Variants in DERA observed in about 807,000 individuals in gnomAD.
The protein encoded by DERA is deoxyribose-phosphate aldolase.
DERA carries 15 observed loss-of-function variants against 41.1 expected under a neutral mutation model. The observed-to-expected ratio is 0.37, with a 90% CI of 0.24 to 0.56. The LOEUF (loss-of-function observed/expected upper bound fraction) is 0.56, where lower values mean the gene tolerates loss of function less well. DERA is among the 20% of genes least tolerant of loss of function. The pLI, the probability that DERA is intolerant of heterozygous loss-of-function variation, is 0.81. For missense variants in DERA, 396 were observed against 403.4 expected (o/e 0.98, Z 0.16); for synonymous variants, 139 against 137.4 (o/e 1.01, Z -0.08).
chr12:15,925,930 C>T (rs556103614), intron 1 of DERA, among the ~76,000 whole-genome samples: 1 of 144,954 alleles, frequency 6.9e-6, no homozygotes, highest in African/African-American at 2.8e-5. Flanking sequence ...CAGGTTCAAG[C>T]AATTCTCCTG....
chr12:15,972,504 C>A lies in DERA; in HGVS notation c.508+9557C>A. The A allele has an allele frequency of 6.5e-6, 1 of 153,392 alleles. No homozygotes were observed. The highest frequency in any genetic ancestry group is 1.9e-4 in the South Asian group (1 of 5,336). The allele number at this position is 153,392 out of a possible 1,614,324, so 9.5% of individuals were successfully genotyped here. On this transcript the variant is annotated intron_variant, in intron 5 of 8. Coordinates refer to ENST00000428559, the MANE Select transcript of DERA (RefSeq NM_015954.4). The surrounding 1 kb of genome is among the most constrained non-coding windows in gnomAD (Gnocchi z 4.4). ...ATGCAGTTGTCCACCACCTCCTTGC[C>A]CAGGAAGTTTTGCGGGTAGCAGAAG...
At position 15,911,360 on chromosome 12, in the gene DERA, G is replaced by C. The variant is rs754699715; in HGVS notation, c.-24G>C. On this transcript the variant is annotated 5_prime_UTR_variant, in exon 1 of 9. Transcript: ENST00000428559. This position sits in a 1 kb window ranked among gnomAD's most constrained non-coding sequence, Gnocchi z 4.5. ...GCGCAGAGGCGGGCGCCTACCAGCC[G>C]GCAGCTCCGGAGCTGCCCGCGCCAT... is the stretch of plus-strand genomic sequence containing the variant. The C allele has an allele frequency of 1.4e-6, 2 of 1,422,452 alleles. No homozygotes were observed. Among genetic ancestry groups the C allele is most frequent in the African/African-American group, 1.5e-5 (1 of 66,442 alleles). The allele number at this position is 1,422,452 out of a possible 1,614,324, so 88.1% of individuals were successfully genotyped here. A position where few individuals can be genotyped will look rare whatever the true frequency, so the allele number is the denominator to read the frequency against.
At chr12:15,932,516 G>A (rs980358432) in intron 1 of DERA, among the ~76,000 whole-genome samples, 1 of 151,974 alleles carries the variant, frequency 6.6e-6, no homozygotes, top group African/African-American at 2.4e-5. Context: ...TGGGTGTGGT[G>A]GTGCATGCCT....
At position 15,988,789 on chromosome 12, in the gene DERA, CA is replaced by C. The variant is rs1457972395; in HGVS notation, c.637+6354del. Among the ~76,000 whole-genome samples, 2 of 152,182 alleles carry C rather than the reference CA, an allele frequency of 1.3e-5. No individual in the cohort carries two copies. The highest frequency in any genetic ancestry group is 2.9e-5 in the Non-Finnish European group (2 of 68,024). ...CTCCCACCACCATCATCATGTTGTC[CA>C]CGGCACCCAGGCTATTCACACTGAG... On this transcript the variant is annotated intron_variant, in intron 6 of 8. Transcript: ENST00000428559. The surrounding 1 kb of genome is among the most constrained non-coding windows in gnomAD (Gnocchi z 6.0).
At chr12:16,006,471 G>A (rs75559045) in intron 6 of DERA, among the ~76,000 whole-genome samples, 8,496 of 152,320 alleles carry the variant, frequency 0.056, 337 homozygotes, top group Non-Finnish European at 0.086. Context: ...ATTAGTTAGT[G>A]AGCGGCCCTC....
Position 15,962,852 on chromosome 12 carries a change from C to G in DERA, c.413C>G (p.Thr138Arg). Residue 138 changes from threonine (T) to arginine (R), a missense_variant, in exon 5 of 9, where the codon ACA (threonine) becomes AGA (arginine). By Grantham distance (71) the Thr-to-Arg change is moderately conservative. Transcript: ENST00000428559. ...GFPAGQTHLK[T>R]RLEEIRLAVE... Reference sequence around the variant, plus strand: ...CCAGCTGGACAGACTCATTTGAAGACACGATTAGAAGAGATCAGATTGGCT... The same window carrying G: ...CCAGCTGGACAGACTCATTTGAAGAGACGATTAGAAGAGATCAGATTGGCT... 1 of 1,562,018 alleles carries G rather than the reference C, an allele frequency of 6.4e-7. No individual in the cohort carries two copies. The highest frequency in any genetic ancestry group is 8.7e-7 in the Non-Finnish European group (1 of 1,151,982).
At chr12:16,034,896 C>A (rs1814387377) in intron 7 of DERA, among the ~76,000 whole-genome samples, 1 of 152,118 alleles carries the variant, frequency 6.6e-6, no homozygotes, top group South Asian at 2.1e-4. Context: ...ATGCTAATAT[C>A]AACTAATTGA....
In DERA at chr12:15,936,030, T is replaced by C. The variant is rs937306092; in HGVS notation, c.32-20906T>C. On this transcript the variant is annotated intron_variant, in intron 1 of 8. Transcript: ENST00000428559. This position sits in a 1 kb window ranked among gnomAD's most constrained non-coding sequence, Gnocchi z 4.6. ...ATGTGAACACCCTCTTAGGGTTGCT[T>C]GAGTATCCTTATGACATGGCAGCTG... Among the ~76,000 whole-genome samples, 5 of 152,178 alleles carry C rather than the reference T, an allele frequency of 3.3e-5. No homozygotes were observed. The highest frequency in any genetic ancestry group is 1.2e-4 in the African/African-American group (5 of 41,436).
At chr12:15,945,273 AT>A (rs1948438535) in intron 1 of DERA, among the ~76,000 whole-genome samples, 1 of 152,192 alleles carries the variant, frequency 6.6e-6, no homozygotes, top group African/African-American at 2.4e-5. Flanking sequence ...GAAGAAAGTC[AT>A]TAGTAGCTTG....
chr12:16,012,261 T>G lies in DERA; in HGVS notation c.638-20281T>G, dbSNP rs1241233109. Among the ~76,000 whole-genome samples, 4 of 152,200 alleles carry G rather than the reference T, an allele frequency of 2.6e-5. No homozygotes were observed. The highest frequency in any genetic ancestry group is 2.0e-4 in the Admixed American group (3 of 15,276). ...ATAAGTGTAGTTTTAGAGTTACTCC[T>G]GTGTATTTGAAAACTGAAAGCAAAG... On this transcript the variant is annotated intron_variant, in intron 6 of 8. Coordinates refer to ENST00000428559, the MANE Select transcript of DERA (RefSeq NM_015954.4). The surrounding 1 kb of genome is among the most constrained non-coding windows in gnomAD (Gnocchi z 4.1).
At position 15,963,388 on chromosome 12, in the gene DERA, G is replaced by A. The variant is rs1320075783; in HGVS notation, c.508+441G>A. 2.0e-5 allele frequency among the ~76,000 whole-genome samples: 3 copies of A among 152,100 alleles called. No individual in the cohort carries two copies. The South Asian group carries it at 6.2e-4, about 32-fold the overall frequency. On this transcript the variant is annotated intron_variant, in intron 5 of 8. Coordinates refer to ENST00000428559, the MANE Select transcript of DERA (RefSeq NM_015954.4). Reference sequence around the variant, plus strand: ...ATGTTAATTTTTGCAGTCTTTAAAGGTATGGGATTATTAAGTTGACTAAGT... The same window carrying A: ...ATGTTAATTTTTGCAGTCTTTAAAGATATGGGATTATTAAGTTGACTAAGT...
chr12:16,008,487 C>T lies in DERA; in HGVS notation c.638-24055C>T, dbSNP rs1000013391. ...CAGAGTGTGTGAGGGAAGGATAACT[C>T]GTGTCCCTGGTTGCAGAGTCTGAGT... On this transcript the variant is annotated intron_variant, in intron 6 of 8. Coordinates refer to ENST00000428559, the MANE Select transcript of DERA (RefSeq NM_015954.4). The surrounding 1 kb of genome is among the most constrained non-coding windows in gnomAD (Gnocchi z 4.8). Among the ~76,000 whole-genome samples, 1 of 152,188 alleles carries T rather than the reference C, an allele frequency of 6.6e-6. No individual in the cohort carries two copies. The highest frequency in any genetic ancestry group is 1.5e-5 in the Non-Finnish European group (1 of 68,032).
At chr12:15,951,337 A>T (rs1565593427) in intron 1 of DERA, 1 of 152,282 alleles carries the variant, frequency 6.6e-6, no homozygotes. Context: ...GAACAGAAAC[A>T]GGGCATTCTG....
At position 16,012,029 on chromosome 12, in the gene DERA, A is replaced by G. The variant is rs905914420; in HGVS notation, c.638-20513A>G. On this transcript the variant is annotated intron_variant, in intron 6 of 8. Transcript: ENST00000428559. The surrounding 1 kb of genome is among the most constrained non-coding windows in gnomAD (Gnocchi z 4.1). ...AAGAAAAAACACATAAAACATGCAT[A>G]ACTAAGTCAGTGTTTCCTCAAAAGG... 6.6e-6 allele frequency among the ~76,000 whole-genome samples: 1 copy of G among 152,252 alleles called. No individual in the cohort carries two copies. Among genetic ancestry groups the G allele is most frequent in the Non-Finnish European group, 1.5e-5 (1 of 68,042 alleles).
At position 15,922,516 on chromosome 12, in the gene DERA, A is replaced by T. The variant is rs987284404; in HGVS notation, c.31+11102A>T. On this transcript the variant is annotated intron_variant, in intron 1 of 8. Transcript: ENST00000428559. This position sits in a 1 kb window ranked among gnomAD's most constrained non-coding sequence, Gnocchi z 4.9. The stretch of plus-strand genomic sequence containing the variant: ...TTGGGACACAGTGATTAGCATGTAG[A>T]GTCTAGAAAATAGGCATTGATGCTG... Among the ~76,000 whole-genome samples, 21 of 152,346 alleles carry T rather than the reference A, an allele frequency of 1.4e-4. No homozygotes were observed. The highest frequency in any genetic ancestry group is 5.1e-4 in the African/African-American group (21 of 41,580).
chr12:15,956,758 G>T, intron 1 of DERA, 178 bp from the exon 2 acceptor site: 1 of 695,688 alleles, frequency 1.4e-6, no homozygotes, highest in Non-Finnish European at 2.6e-6. Context: ...TATGCCTTTT[G>T]TTGACTGGTC....
In DERA at chr12:15,943,397, G is replaced by A. The variant is rs369089827; in HGVS notation, c.32-13539G>A. Among the ~76,000 whole-genome samples the A allele has an allele frequency of 2.1e-4, 32 of 152,214 alleles. No individual in the cohort carries two copies. The highest frequency in any genetic ancestry group is 3.5e-4 in the Non-Finnish European group (24 of 68,004). On this transcript the variant is annotated intron_variant, in intron 1 of 8. Transcript: ENST00000428559. The surrounding 1 kb of genome is among the most constrained non-coding windows in gnomAD (Gnocchi z 4.5). ...TGCTTGAGCTTCCTACTTGACTTTC[G>A]CACCACAGCCAGAGGGGTTATTTAA...
intron 1 of DERA, among the ~76,000 whole-genome samples, chr12:15,952,486 C>T (rs908366167): frequency 2.0e-5 from 3 of 152,012 alleles, no homozygotes; most frequent in African/African-American, 7.3e-5. Flanking sequence ...CCAATAGAAA[C>T]ATAATGTGAG....
intron 6 of DERA, among the ~76,000 whole-genome samples, chr12:16,018,808 A>C (rs1949000855): frequency 6.6e-6 from 1 of 152,238 alleles, no homozygotes; most frequent in South Asian, 2.1e-4. Flanking sequence ...TAATACTATA[A>C]ATTTATTATT....
Sources: gnomAD v4.1 joint callset for allele counts (sites outside exome capture counted in the v4.1 genomes callset) on GRCh38, gnomAD v4.1.1 for gene constraint, Gnocchi (gnomAD v3.1) non-coding constraint, MANE v1.5 for transcripts, NCBI Gene and HGNC (gene_info 2026-07-23, HGNC 2026-07-21) for gene names.